Variants in MAP2K6 observed in about 807,000 individuals in gnomAD.
MAP2K6 encodes the protein dual specificity mitogen-activated protein kinase kinase 6.
A neutral mutation model predicts 53.7 loss-of-function variants in MAP2K6; 16 were observed. That is an observed-to-expected ratio of 0.30 (90% CI 0.20 to 0.45). The LOEUF is 0.45. Among genes scored for constraint, MAP2K6 ranks in the 20% least tolerant of loss-of-function variants. The pLI, the probability that MAP2K6 is intolerant of heterozygous loss-of-function variation, is 1.00. For missense variants in MAP2K6, 204 were observed against 411.9 expected, an observed-to-expected ratio of 0.50 and a Z score of 4.37; for synonymous variants, 132 against 143.1, an observed-to-expected ratio of 0.92 and a Z score of 0.55.
intron 1 of MAP2K6, among the ~76,000 whole-genome samples, chr17:69,462,301 C>T (rs1567826362): frequency 6.6e-6 from 1 of 152,088 alleles, no homozygotes. Context: ...TACATTATTA[C>T]GAGAGTAAAG....
chr17:69,505,638 A>G, intron 1 of MAP2K6, 142 bp from the exon 2 acceptor site: 1 of 687,590 alleles, frequency 1.5e-6, no homozygotes, highest in Non-Finnish European at 2.7e-6. Context: ...ACACTCACAG[A>G]CTTCCTGGGT....
At chr17:69,450,838 A>G (rs889831773) in intron 1 of MAP2K6, among the ~76,000 whole-genome samples, 1 of 152,146 alleles carries the variant, frequency 6.6e-6, no homozygotes, top group Non-Finnish European at 1.5e-5. Context: ...AGAAATATGT[A>G]ATAAAATATA....
intron 4 of MAP2K6, among the ~76,000 whole-genome samples, chr17:69,518,035 A>C (rs1910262287): frequency 6.6e-6 from 1 of 152,104 alleles, no homozygotes. Context: ...CTAAAAATAC[A>C]AAAAATTAGC....
intron 1 of MAP2K6, among the ~76,000 whole-genome samples, chr17:69,491,439 C>T (rs934471206): frequency 1.1e-4 from 17 of 152,082 alleles, no homozygotes; most frequent in South Asian, 4.2e-4. Context: ...CCACTGTGCC[C>T]GGCCCACATT....
At chr17:69,527,899 T>C (rs991776122) in intron 10 of MAP2K6, among the ~76,000 whole-genome samples, 1 of 152,134 alleles carries the variant, frequency 6.6e-6, no homozygotes, top group Non-Finnish European at 1.5e-5. Context: ...GTGGATCACC[T>C]GAGGTCAGGA....
At chr17:69,497,203 A>G (rs1908986207) in intron 1 of MAP2K6, among the ~76,000 whole-genome samples, 1 of 152,166 alleles carries the variant, frequency 6.6e-6, no homozygotes, top group African/African-American at 2.4e-5. Flanking sequence ...AAGGGCTTGC[A>G]TTTTTAGTGG....
intron 2 of MAP2K6, among the ~76,000 whole-genome samples, chr17:69,513,600 A>G (rs1045894573): frequency 6.6e-6 from 1 of 152,212 alleles, no homozygotes; most frequent in African/African-American, 2.4e-5. Flanking sequence ...TTTAGGCTAC[A>G]TGGGCCACAG....
In MAP2K6 at chr17:69,523,534, C is replaced by G. The variant is rs769915246; in HGVS notation, c.556C>G (p.Leu186Val). The change falls in exon 8 of 12, where the codon CTC becomes GTC. Residue 186 changes from leucine to valine, a missense_variant. Transcript: ENST00000590474. Reference protein sequence around the residue: ...IHRDVKPSNVLINALGQVKMC... With the variant: ...IHRDVKPSNVVINALGQVKMC... ...TTCAGACGTCAAGCCTTCTAATGTA[C>G]TCATCAATGCTCTCGGTCAAGTGAA... 8 of 1,613,894 alleles carry G rather than the reference C, an allele frequency of 5.0e-6. No individual in the cohort carries two copies. In the Admixed American group the frequency reaches 6.7e-5, roughly 13 times the overall value.
chr17:69,531,463 A>G (rs1177052212), intron 10 of MAP2K6, among the ~76,000 whole-genome samples: 1 of 152,096 alleles, frequency 6.6e-6, no homozygotes, highest in African/African-American at 2.4e-5. Context: ...CTTGGTAGCC[A>G]CTCTTGTCTG....
intron 1 of MAP2K6, among the ~76,000 whole-genome samples, chr17:69,456,518 C>T (rs1907415743): frequency 6.6e-6 from 1 of 152,154 alleles, no homozygotes; most frequent in Non-Finnish European, 1.5e-5. Context: ...CTACTCAGAG[C>T]TACCCAACTG....
chr17:69,552,888 G>A lies in MAP2K6; in HGVS notation c.*11135G>A, dbSNP rs1912157157. ...TGAACTATTGTTTATCATTATTAATGATGTTATCTCCAAATCCCAAAGCCA... is the reference window on the plus strand; with the variant it reads ...TGAACTATTGTTTATCATTATTAATAATGTTATCTCCAAATCCCAAAGCCA... On this transcript the variant is annotated 3_prime_UTR_variant, in exon 12 of 12. Transcript: ENST00000590474. The A allele has an allele frequency of 6.6e-6, 1 of 151,744 alleles. No homozygotes were observed. Among genetic ancestry groups the A allele is most frequent in the Non-Finnish European group, 1.5e-5 (1 of 67,960 alleles). 9.4% of individuals were successfully genotyped at this position (151,744 alleles called of 1,614,324 possible).
chr17:69,433,308 G>A (rs2145139548), intron 1 of MAP2K6: 1 of 152,366 alleles, frequency 6.6e-6, no homozygotes, highest in Middle Eastern at 3.4e-3. Flanking sequence ...CACAGATCTT[G>A]TAAAACTCAT....
At chr17:69,458,255 C>A (rs1158605063) in intron 1 of MAP2K6, among the ~76,000 whole-genome samples, 1 of 152,046 alleles carries the variant, frequency 6.6e-6, no homozygotes, top group Non-Finnish European at 1.5e-5. Context: ...GTTTCACCAT[C>A]TTGGCCAGGC....
At chr17:69,473,838 C>T (rs1908055677) in intron 1 of MAP2K6, among the ~76,000 whole-genome samples, 1 of 152,212 alleles carries the variant, frequency 6.6e-6, no homozygotes, top group South Asian at 2.1e-4. Context: ...TGTTTGGTTT[C>T]ATCACCTCTG....
chr17:69,480,328 C>T lies in MAP2K6; in HGVS notation c.17-25452C>T, dbSNP rs532505775. On this transcript the variant is annotated intron_variant, in intron 1 of 11. Coordinates refer to ENST00000590474, the MANE Select transcript of MAP2K6 (RefSeq NM_002758.4). ...CCCTCCTTTTTTTCACAGGACATTC[C>T]GTTCTTCTCACCAGCCCTAACCTGT... 4.7e-4 allele frequency among the ~76,000 whole-genome samples: 72 copies of T among 152,236 alleles called. No individual in the cohort carries two copies. In the South Asian group the frequency reaches 0.012, roughly 26 times the overall value.
chr17:69,424,555 G>T (rs576880105), intron 1 of MAP2K6, among the ~76,000 whole-genome samples: 2 of 152,300 alleles, frequency 1.3e-5, no homozygotes, highest in South Asian at 4.1e-4. Flanking sequence ...CAGAGCAGAG[G>T]TTTTAGCCAA....
intron 10 of MAP2K6, among the ~76,000 whole-genome samples, chr17:69,531,374 T>C (rs2715832): frequency 0.11 from 16,577 of 152,070 alleles, 1,174 homozygotes; most frequent in East Asian, 0.35. Flanking sequence ...CTAGGTATCA[T>C]ACCCGTGCCA....
At chr17:69,438,306 CTTG>C (rs1402793242) in intron 1 of MAP2K6, among the ~76,000 whole-genome samples, 1 of 152,150 alleles carries the variant, frequency 6.6e-6, no homozygotes, top group Non-Finnish European at 1.5e-5. Flanking sequence ...AATGTTTCTG[CTTG>C]TTGTTTTGGT....
intron 10 of MAP2K6, among the ~76,000 whole-genome samples, chr17:69,531,791 A>G (rs1470840020): frequency 6.6e-6 from 1 of 152,066 alleles, no homozygotes; most frequent in African/African-American, 2.4e-5. Context: ...TCTCTTTCTT[A>G]TCGTAGGGGT....
Sources: allele counts gnomAD v4.1 joint callset (sites outside exome capture counted in the v4.1 genomes callset), GRCh38; gene constraint gnomAD v4.1.1; transcripts MANE v1.5; gene names NCBI Gene and HGNC (gene_info 2026-07-23, HGNC 2026-07-21).